RUFY3: variants seen among roughly 807,000 people sequenced by gnomAD.
RUFY3 encodes RUN and FYVE domain containing 3.
Under a neutral mutation model 84.0 loss-of-function variants are expected in RUFY3, and 34 were observed. The ratio of observed to expected loss-of-function variants is 0.40; its 90% confidence interval spans 0.31 to 0.54. RUFY3 has a LOEUF of 0.54. Ranked by LOEUF, RUFY3 falls within the 20% of genes least tolerant of loss-of-function variation. The probability of loss-of-function intolerance (pLI) is 0.39; values close to 1 mark genes in which losing one functional copy is unlikely to be tolerated. For missense variants in RUFY3, 507 were observed against 736.8 expected (o/e 0.69, Z 3.61); for synonymous variants, 242 against 252.9 (o/e 0.96, Z 0.41).
intron 17 of RUFY3, among the ~76,000 whole-genome samples, chr4:70,806,187 G>A (rs987535682): frequency 6.6e-6 from 1 of 152,200 alleles, no homozygotes; most frequent in Non-Finnish European, 1.5e-5. Context: ...AGTATGCGCA[G>A]GTACTTGCAA....
intron 3 of RUFY3, 62 bp downstream of exon 3, chr4:70,763,731 A>T: frequency 6.4e-7 from 1 of 1,566,424 alleles, no homozygotes; most frequent in Non-Finnish European, 8.6e-7. Flanking sequence ...TCCCTTGAAG[A>T]GCAAGACTAA....
rs1024945153 is a variant in RUFY3, at chr4:70,722,397, C to G, written c.-177C>G. On this transcript the variant is annotated 5_prime_UTR_variant, in exon 1 of 18. Transcript: ENST00000381006. Reference sequence around the variant, plus strand: ...TTTATCTTGAGCAGTTTGTTCTTAACCTATAAGGTATTTTTCCTTTTTTTT... The same window carrying G: ...TTTATCTTGAGCAGTTTGTTCTTAAGCTATAAGGTATTTTTCCTTTTTTTT... The G allele has an allele frequency of 1.7e-5, 23 of 1,347,852 alleles. No individual in the cohort carries two copies. The highest frequency in any genetic ancestry group is 2.2e-5 in the Non-Finnish European group (23 of 1,050,846). 83.5% of individuals were successfully genotyped at this position (1,347,852 alleles called of 1,614,324 possible). A position where few individuals can be genotyped will look rare whatever the true frequency, so the allele number is the denominator to read the frequency against.
At chr4:70,804,477 C>T in intron 17 of RUFY3, 61 bp downstream of exon 17, 1 of 1,428,712 alleles carries the variant, frequency 7.0e-7, no homozygotes, top group Non-Finnish European at 9.9e-7. Flanking sequence ...CCCCCAGTCC[C>T]TCCCCAGGAG....
chr4:70,739,056 G>A (rs1720880233), intron 1 of RUFY3, among the ~76,000 whole-genome samples: 1 of 149,982 alleles, frequency 6.7e-6, no homozygotes, highest in African/African-American at 2.5e-5. Flanking sequence ...GACTTAATGT[G>A]TTACCTTTTC....
At chr4:70,708,012 C>T (rs1022086878) in intron 1 of RUFY3, among the ~76,000 whole-genome samples, 4 of 152,054 alleles carry the variant, frequency 2.6e-5, no homozygotes, top group Non-Finnish European at 4.4e-5. Flanking sequence ...TAATCCCAGC[C>T]CTTTGGGAGA....
chr4:70,790,309 A>T (rs924595959), intron 12 of RUFY3, among the ~76,000 whole-genome samples: 2 of 152,196 alleles, frequency 1.3e-5, no homozygotes, highest in Admixed American at 1.3e-4. Flanking sequence ...GAAATGGCTG[A>T]GTCTTCAAGG....
intron 17 of RUFY3, among the ~76,000 whole-genome samples, chr4:70,804,794 G>T (rs1265119180): frequency 6.6e-6 from 1 of 151,372 alleles, no homozygotes; most frequent in East Asian, 1.9e-4. Flanking sequence ...AGCCGGGCGT[G>T]GTGGCCTGTA....
At chr4:70,749,300 G>A (rs909126760) in intron 1 of RUFY3, among the ~76,000 whole-genome samples, 6 of 152,108 alleles carry the variant, frequency 3.9e-5, no homozygotes, top group African/African-American at 1.4e-4. Flanking sequence ...AGAAGTCTGG[G>A]AAACTTTCCA....
chr4:70,714,608 A>G (rs1318239185), intron 1 of RUFY3, among the ~76,000 whole-genome samples: 2 of 152,228 alleles, frequency 1.3e-5, no homozygotes, highest in Non-Finnish European at 2.9e-5. Context: ...TTGAAGTGAA[A>G]CATGAGGGTG....
intron 12 of RUFY3, 163 bp downstream of exon 12, chr4:70,789,755 G>A: frequency 1.6e-6 from 2 of 1,270,128 alleles, no homozygotes; most frequent in African/African-American, 1.6e-5. Context: ...TGTTTTCTAA[G>A]GTATGACTGA....
intron 1 of RUFY3, among the ~76,000 whole-genome samples, chr4:70,726,156 A>G (rs1161228768): frequency 1.3e-5 from 2 of 152,130 alleles, no homozygotes; most frequent in Non-Finnish European, 2.9e-5. Context: ...GTGAACACCA[A>G]AGGAACAATC....
intron 1 of RUFY3, among the ~76,000 whole-genome samples, chr4:70,761,854 C>CT (rs1439085381): frequency 6.6e-6 from 1 of 152,144 alleles, no homozygotes; most frequent in South Asian, 2.1e-4. Flanking sequence ...GCCCTTTACC[C>CT]TTTTTTTCCT....
chr4:70,759,669 A>G (rs1157096395), intron 1 of RUFY3, among the ~76,000 whole-genome samples: 1 of 152,172 alleles, frequency 6.6e-6, no homozygotes, highest in East Asian at 1.9e-4. Flanking sequence ...TTTTTTCTGC[A>G]TCCACACCAG....
At chr4:70,745,160 G>A (rs1721994060) in intron 1 of RUFY3, among the ~76,000 whole-genome samples, 1 of 150,636 alleles carries the variant, frequency 6.6e-6, no homozygotes, top group Admixed American at 6.6e-5. Context: ...TTGCCAGGAT[G>A]GTCTCAATCT....
In RUFY3 at chr4:70,765,209, G is replaced by GTATATA. The variant is rs59630867; in HGVS notation, c.572+645_572+650dup. Among the ~76,000 whole-genome samples the GTATATA allele has an allele frequency of 1.5e-3, 205 of 137,214 alleles. 3 individuals are homozygous for GTATATA. Among genetic ancestry groups the GTATATA allele is most frequent in the Non-Finnish European group, 2.4e-3 (152 of 64,496 alleles). The allele number at this position is 137,214 out of a possible 152,430, so 90.0% of individuals were successfully genotyped here. A position where few individuals can be genotyped will look rare whatever the true frequency, so the allele number is the denominator to read the frequency against. ...TCTCAAAAAAAAAAAAAAAAAATGT[G>GTATATA]TATATATATATATATATTTGTAAAA... On this transcript the variant is annotated intron_variant, in intron 4 of 17. Coordinates refer to ENST00000381006, the MANE Select transcript of RUFY3 (RefSeq NM_001037442.4).
At position 70,722,255 on chromosome 4, in the gene RUFY3, TGAAAAAAAAGGTGGGGGGCAGGGAAGG is replaced by T; in HGVS notation, c.-315_-289del. 2 of 1,232,074 alleles carry T rather than the reference TGAAAAAAAAGGTGGGGGGCAGGGAAGG, an allele frequency of 1.6e-6. No individual in the cohort carries two copies. Among genetic ancestry groups the T allele is most frequent in the Non-Finnish European group, 2.0e-6 (2 of 988,836 alleles). 76.3% of individuals were successfully genotyped at this position (1,232,074 alleles called of 1,614,324 possible). ...CGGGATTTAAAGCCTATAGCTCAGCTGAAAAAAAAGGTGGGGGGCAGGGAAGGGAAGATAAAAGGAGAGGAAGCTGGG... is the reference window on the plus strand; with the variant it reads ...CGGGATTTAAAGCCTATAGCTCAGCTGAAGATAAAAGGAGAGGAAGCTGGG... On this transcript the variant is annotated 5_prime_UTR_variant, in exon 1 of 18. Transcript: ENST00000381006.
At position 70,804,431 on chromosome 4, in the gene RUFY3, A is replaced by C. The variant is rs377640832; in HGVS notation, c.1719+15A>C. 8 of 1,611,386 alleles carry C rather than the reference A, an allele frequency of 5.0e-6. No homozygotes were observed. In the African/African-American group the frequency reaches 1.1e-4, roughly 22 times the overall value. On this transcript the variant is annotated intron_variant, in intron 17 of 17. Coordinates refer to ENST00000381006, the MANE Select transcript of RUFY3 (RefSeq NM_001037442.4). ...GCCTAACAAAGGTAACTGTGATGAG[A>C]AACGGACAGGCTTTTCATAGGGATG...
chr4:70,803,783 C>G (rs922110679), intron 16 of RUFY3, among the ~76,000 whole-genome samples: 2 of 151,326 alleles, frequency 1.3e-5, no homozygotes, highest in Non-Finnish European at 2.9e-5. Context: ...AGTGTTGTGG[C>G]ACAATCTCAG....
At position 70,793,831 on chromosome 4, in the gene RUFY3, C is replaced by T. The variant is rs369305605; in HGVS notation, c.1384C>T (p.Arg462Trp). ...CCGCCAATCTGCTGAGTTGGACAAC[C>T]GGCTCTTCAAACAGGACTTTGGAGA... is the stretch of plus-strand genomic sequence containing the variant. ...RSRQSAELDN[R>W]LFKQDFGDKI... Residue 462 changes from arginine (R) to tryptophan (W), a missense_variant, in exon 13 of 18, where the codon CGG becomes TGG. Arg to Trp is a moderately radical substitution (Grantham distance 101). This residue lies in a region of RUFY3 where 334 missense variants were observed against 364.1 expected (regional missense o/e 0.92). Coordinates refer to ENST00000381006, the MANE Select transcript of RUFY3 (RefSeq NM_001037442.4). 152 of 1,613,978 alleles carry T rather than the reference C, an allele frequency of 9.4e-5. No homozygotes were observed. Among genetic ancestry groups the T allele is most frequent in the Non-Finnish European group, 1.1e-4 (134 of 1,180,014 alleles).
Sources: allele counts gnomAD v4.1 joint callset (sites outside exome capture counted in the v4.1 genomes callset), GRCh38; gene constraint gnomAD v4.1.1; regional missense constraint gnomAD v4.1.1; transcripts MANE v1.5; gene names NCBI Gene and HGNC (gene_info 2026-07-23, HGNC 2026-07-21).